CCDC178: variants seen among roughly 807,000 people sequenced by gnomAD.
CCDC178 encodes the protein coiled-coil domain-containing protein 178.
In CCDC178, 126 loss-of-function variants were observed where a neutral mutation model predicts 117.4. That is an observed-to-expected ratio of 1.07 (90% CI 0.93 to 1.24). The LOEUF is 1.24. Ranked by LOEUF, CCDC178 falls within the 50% of genes most tolerant of loss-of-function variation. The pLI is 0.00. For missense variants in CCDC178, 1,030 were observed against 986.9 expected (o/e 1.04, Z -0.59); for synonymous variants, 283 against 313.4 (o/e 0.90, Z 1.02).
At chr18:33,195,989 C>T (rs2058925173) in intron 20 of CCDC178, among the ~76,000 whole-genome samples, 1 of 152,158 alleles carries the variant, frequency 6.6e-6, no homozygotes, top group African/African-American at 2.4e-5. Flanking sequence ...TTGCCCTCAC[C>T]TACTGGGATG....
At chr18:33,220,141 T>C (rs2059213462) in intron 18 of CCDC178, among the ~76,000 whole-genome samples, 2 of 152,058 alleles carry the variant, frequency 1.3e-5, no homozygotes, top group South Asian at 4.1e-4. Flanking sequence ...TTTTGGTCTG[T>C]AGATTGCTCC....
intron 21 of CCDC178, among the ~76,000 whole-genome samples, chr18:33,038,978 T>A (rs936374186): frequency 6.6e-6 from 1 of 152,012 alleles, no homozygotes; most frequent in African/African-American, 2.4e-5. Flanking sequence ...CATATGTATA[T>A]GGCCAAAAGC....
At chr18:33,202,133 G>T (rs1377505826) in intron 20 of CCDC178, among the ~76,000 whole-genome samples, 2 of 151,912 alleles carry the variant, frequency 1.3e-5, no homozygotes, top group Non-Finnish European at 2.9e-5. Context: ...GGTGGTTCAC[G>T]CCTGTAATCC....
chr18:33,235,384 A>G (rs1298658274), intron 15 of CCDC178, among the ~76,000 whole-genome samples: 2 of 152,040 alleles, frequency 1.3e-5, no homozygotes, highest in African/African-American at 4.8e-5. Flanking sequence ...CAAGACTGGC[A>G]TGAGATGTCC....
intron 20 of CCDC178, among the ~76,000 whole-genome samples, chr18:33,210,127 A>G (rs550609175): frequency 6.6e-6 from 1 of 152,176 alleles, no homozygotes; most frequent in East Asian, 1.9e-4. Flanking sequence ...TTATTCATTC[A>G]ACACATATTT....
At chr18:33,280,462 G>T (rs2060008974) in intron 12 of CCDC178, among the ~76,000 whole-genome samples, 1 of 151,624 alleles carries the variant, frequency 6.6e-6, no homozygotes, top group African/African-American at 2.4e-5. Flanking sequence ...AACAGGTGCT[G>T]GAGAGGATGG....
chr18:33,291,136 G>T (rs2060161291), intron 12 of CCDC178, among the ~76,000 whole-genome samples: 1 of 151,958 alleles, frequency 6.6e-6, no homozygotes, highest in Non-Finnish European at 1.5e-5. Flanking sequence ...GAAACATTGA[G>T]AATGAAATAA....
At chr18:33,416,558 T>C (rs1262146370) in intron 2 of CCDC178, among the ~76,000 whole-genome samples, 1 of 152,070 alleles carries the variant, frequency 6.6e-6, no homozygotes. Context: ...AAATAAACTG[T>C]AGGGATTCAA....
chr18:33,056,323 G>T (rs1299384689), intron 21 of CCDC178, among the ~76,000 whole-genome samples: 1 of 152,114 alleles, frequency 6.6e-6, no homozygotes, highest in African/African-American at 2.4e-5. Context: ...CAAGTTAAAA[G>T]TAATTTCTGC....
At chr18:33,396,539 A>G (rs1017831430) in intron 4 of CCDC178, among the ~76,000 whole-genome samples, 1 of 152,180 alleles carries the variant, frequency 6.6e-6, no homozygotes, top group Non-Finnish European at 1.5e-5. Flanking sequence ...GTACAATGGT[A>G]CAGCAAAATG....
chr18:33,161,354 A>G (rs1475143360), intron 20 of CCDC178, among the ~76,000 whole-genome samples: 1 of 152,102 alleles, frequency 6.6e-6, no homozygotes, highest in Non-Finnish European at 1.5e-5. Context: ...AATGAAAACT[A>G]CATGTGTGGA....
At chr18:33,311,652 T>A (rs1346989982) in intron 11 of CCDC178, among the ~76,000 whole-genome samples, 1 of 152,116 alleles carries the variant, frequency 6.6e-6, no homozygotes, top group Non-Finnish European at 1.5e-5. Context: ...CCCCTCCACA[T>A]CTGAAGGGAA....
intron 2 of CCDC178, among the ~76,000 whole-genome samples, chr18:33,435,039 C>CA (rs1320106206): frequency 6.6e-6 from 1 of 151,892 alleles, no homozygotes; most frequent in East Asian, 1.9e-4. Flanking sequence ...ATTATGTGCT[C>CA]AAAAATATTT....
intron 17 of CCDC178, among the ~76,000 whole-genome samples, chr18:33,223,826 G>T (rs886119797): frequency 5.3e-5 from 8 of 152,052 alleles, no homozygotes; most frequent in Non-Finnish European, 1.2e-4. Flanking sequence ...TATCCCACTA[G>T]ATGTTTGTAC....
At chr18:33,389,388 T>C in intron 5 of CCDC178, 152 bp downstream of exon 5, 2 of 338,244 alleles carry the variant, frequency 5.9e-6, no homozygotes, top group Non-Finnish European at 1.1e-5. Flanking sequence ...TATACTACAT[T>C]ATATCTTTAC....
chr18:33,025,072 T>A (rs749818429), intron 21 of CCDC178, among the ~76,000 whole-genome samples: 12 of 152,274 alleles, frequency 7.9e-5, no homozygotes, highest in African/African-American at 2.9e-4. Context: ...AATATTTAAC[T>A]AGACAATGGG....
intron 3 of CCDC178, among the ~76,000 whole-genome samples, chr18:33,402,228 G>GA: frequency 6.6e-6 from 1 of 152,172 alleles, no homozygotes; most frequent in East Asian, 1.9e-4. Flanking sequence ...TAAATACAAA[G>GA]ATTTAAAAAG....
At chr18:33,224,432 C>T (rs1033668674) in intron 17 of CCDC178, among the ~76,000 whole-genome samples, 2 of 152,164 alleles carry the variant, frequency 1.3e-5, no homozygotes, top group African/African-American at 2.4e-5. Context: ...AGATCTCTTA[C>T]ATTTTATATG....
intron 2 of CCDC178, among the ~76,000 whole-genome samples, chr18:33,417,494 T>C (rs567026202): frequency 4.0e-5 from 6 of 150,794 alleles, no homozygotes; most frequent in African/African-American, 9.8e-5. Flanking sequence ...TTGGTGATGA[T>C]ATACAAAGCT....
Sources: allele counts gnomAD v4.1 joint callset (sites outside exome capture counted in the v4.1 genomes callset), GRCh38; gene constraint gnomAD v4.1.1; transcripts MANE v1.5; gene names NCBI Gene and HGNC (gene_info 2026-07-23, HGNC 2026-07-21).